The following ANK2 variants were observed in gnomAD, a reference collection of about 807,000 sequenced individuals.
ANK2 encodes ankyrin-2.
Under a neutral mutation model 360.5 loss-of-function variants are expected in ANK2, and 83 were observed. The observed-to-expected ratio is 0.23, with a 90% confidence interval of 0.19 to 0.28. ANK2 has a LOEUF of 0.28. Ranked by LOEUF, ANK2 falls within the 10% of genes least tolerant of loss-of-function variation. The pLI, the probability that ANK2 is intolerant of heterozygous loss-of-function variation, is 1.00. For synonymous variants in ANK2, 1,740 were observed against 1,759.5 expected, an observed-to-expected ratio of 0.99 and a Z score of 0.28; for missense variants, 4,201 against 4,795.7, an observed-to-expected ratio of 0.88 and a Z score of 3.66.
intron 1 of ANK2, among the ~76,000 whole-genome samples, chr4:112,832,082 C>T (rs1366277228): frequency 2.0e-5 from 3 of 152,226 alleles, no homozygotes; most frequent in African/African-American, 7.2e-5. Flanking sequence ...AAGATGGTCT[C>T]ATTATGTCGC....
chr4:112,820,026 C>T (rs1240904609), intron 1 of ANK2, among the ~76,000 whole-genome samples: 6 of 152,220 alleles, frequency 3.9e-5, no homozygotes, highest in Non-Finnish European at 8.8e-5. Flanking sequence ...ACTGAAGAGG[C>T]CTGATTTCTC....
At chr4:113,340,464 A>G (rs1405931264) in intron 32 of ANK2, among the ~76,000 whole-genome samples, 1 of 152,170 alleles carries the variant, frequency 6.6e-6, no homozygotes, top group Non-Finnish European at 1.5e-5. Flanking sequence ...AGGCCAAGAC[A>G]GGTGGATTGC....
At chr4:112,827,262 A>G (rs1308071217) in intron 1 of ANK2, 7 of 1,054,672 alleles carry the variant, frequency 6.6e-6, no homozygotes, top group Non-Finnish European at 1.0e-5. Flanking sequence ...GAGAAATGTT[A>G]CTTAAGGCAG....
chr4:113,381,772 C>A lies in ANK2; in HGVS notation c.*301C>A. On this transcript the variant is annotated 3_prime_UTR_variant, in exon 46 of 46. Transcript: ENST00000357077. ...ATTTCCACTGTTAGCAAATATACGG[C>A]ATTTTGCTTTAGTTTTCCCCCATCC... The A allele has an allele frequency of 1.0e-6, 1 of 984,360 alleles. No homozygotes were observed. The highest frequency in any genetic ancestry group is 1.5e-6 in the Non-Finnish European group (1 of 686,386). The allele number at this position is 984,360 out of a possible 1,614,324, so 61.0% of individuals were successfully genotyped here. A position where few individuals can be genotyped will look rare whatever the true frequency, so the allele number is the denominator to read the frequency against.
At chr4:113,203,203 T>C (rs2098869604) in intron 4 of ANK2, among the ~76,000 whole-genome samples, 1 of 152,222 alleles carries the variant, frequency 6.6e-6, no homozygotes, top group African/African-American at 2.4e-5. Flanking sequence ...TTGGGATGAT[T>C]TCCATTTAAG....
intron 14 of ANK2, among the ~76,000 whole-genome samples, chr4:113,271,770 A>G (rs1480067000): frequency 6.6e-6 from 1 of 152,214 alleles, no homozygotes; most frequent in African/African-American, 2.4e-5. Context: ...AGAACACTCT[A>G]TTCACCAGTC....
chr4:113,232,702 A>AC (rs398107851), intron 5 of ANK2, among the ~76,000 whole-genome samples: 11 of 151,504 alleles, frequency 7.3e-5, no homozygotes, highest in Admixed American at 2.0e-4. Flanking sequence ...TTAAAAAAAA[A>AC]CCCTGTACCT....
intron 1 of ANK2, among the ~76,000 whole-genome samples, chr4:113,109,980 ATATT>A (rs2094114986): frequency 6.6e-6 from 1 of 152,182 alleles, no homozygotes; most frequent in Non-Finnish European, 1.5e-5. Context: ...TTAGGTTTCC[ATATT>A]TATGGAATAT....
chr4:112,818,020 G>C (rs2149489164), upstream of ANK2: 1 of 152,486 alleles, frequency 6.6e-6, no homozygotes, highest in South Asian at 2.1e-4. Flanking sequence ...CTGGCGGATG[G>C]GCTGTCACGT....
At chr4:113,338,877 AG>A (rs2093925204) in intron 31 of ANK2, among the ~76,000 whole-genome samples, 2 of 152,130 alleles carry the variant, frequency 1.3e-5, no homozygotes, top group African/African-American at 4.8e-5. Flanking sequence ...CAAACTGTTC[AG>A]CTCCTTAGGT....
At chr4:113,001,381 A>G (rs1370862773) in intron 2 of ANK2, among the ~76,000 whole-genome samples, 1 of 151,942 alleles carries the variant, frequency 6.6e-6, no homozygotes, top group African/African-American at 2.4e-5. Flanking sequence ...CAATTAATAA[A>G]AATAACTTTA....
chr4:113,292,765 G>A (rs1248032119), intron 21 of ANK2, among the ~76,000 whole-genome samples: 2 of 152,124 alleles, frequency 1.3e-5, no homozygotes, highest in African/African-American at 4.8e-5. Flanking sequence ...CTCCGCTTGG[G>A]CTGCTGGAAC....
intron 1 of ANK2, among the ~76,000 whole-genome samples, chr4:113,088,404 A>G (rs1055701944): frequency 5.3e-5 from 8 of 152,220 alleles, no homozygotes; most frequent in African/African-American, 1.7e-4. Flanking sequence ...CAAACAAAAC[A>G]TGAGCATCAT....
chr4:113,201,298 C>A (rs559150225), intron 4 of ANK2, among the ~76,000 whole-genome samples: 2 of 152,174 alleles, frequency 1.3e-5, no homozygotes, highest in East Asian at 3.9e-4. Flanking sequence ...CTTGTTGAAA[C>A]CCATGTTTCT....
chr4:112,983,266 A>G (rs1380038731), intron 2 of ANK2, among the ~76,000 whole-genome samples: 2 of 151,930 alleles, frequency 1.3e-5, no homozygotes, highest in African/African-American at 2.4e-5. Flanking sequence ...ATTCATATGT[A>G]TGTTATAAAA....
rs1215875862 is a variant in ANK2, at chr4:113,330,382, A to C, written c.3037A>C (p.Arg1013=). Residue 1013 remains arginine (R), a synonymous_variant, in exon 27 of 46, where the codon AGA becomes CGA. Transcript: ENST00000357077. ...RVTCRLVKRH[R]LATMPPMVEG... is the part of the protein sequence containing the mutation. ...CACCTGCCGACTGGTCAAGCGCCACAGACTGGCAACAATGCCTCCAATGGT... is the reference window on the plus strand; with the variant it reads ...CACCTGCCGACTGGTCAAGCGCCACCGACTGGCAACAATGCCTCCAATGGT... 5 of 1,614,144 alleles carry C rather than the reference A, an allele frequency of 3.1e-6. No individual in the cohort carries two copies. The highest frequency in any genetic ancestry group is 1.6e-4 in the Middle Eastern group (1 of 6,084).
chr4:113,036,060 C>T (rs1579624449), intron 2 of ANK2, among the ~76,000 whole-genome samples: 1 of 151,734 alleles, frequency 6.6e-6, no homozygotes, highest in Non-Finnish European at 1.5e-5. Flanking sequence ...AATTAGTTTC[C>T]GTAGTCTCAT....
intron 1 of ANK2, among the ~76,000 whole-genome samples, chr4:113,084,508 G>C (rs777033712): frequency 1.8e-4 from 27 of 152,212 alleles, no homozygotes; most frequent in Non-Finnish European, 2.9e-5. Context: ...AACTAGAGGA[G>C]ATGTTATAGC....
At chr4:113,038,589 C>T (rs574156550) in intron 2 of ANK2, among the ~76,000 whole-genome samples, 1 of 151,924 alleles carries the variant, frequency 6.6e-6, no homozygotes, top group East Asian at 1.9e-4. Flanking sequence ...GCAATGTGAC[C>T]TTTCCACCTA....
Sources: allele counts gnomAD v4.1 joint callset (sites outside exome capture counted in the v4.1 genomes callset), GRCh38; gene constraint gnomAD v4.1.1; transcripts MANE v1.5; gene names NCBI Gene and HGNC (gene_info 2026-07-23, HGNC 2026-07-21).